DHX57: variants seen among roughly 807,000 people sequenced by gnomAD.
DHX57 encodes DExH-box helicase 57, also known as putative ATP-dependent RNA helicase DHX57.
Under a neutral mutation model 156.2 loss-of-function variants are expected in DHX57, and 105 were observed. The observed-to-expected ratio is 0.67, with a 90% CI of 0.57 to 0.79. DHX57 has a LOEUF of 0.79. Among genes scored for constraint, DHX57 ranks in the 30% least tolerant of loss-of-function variants. The pLI is 0.00. For synonymous variants in DHX57, 704 were observed against 595.6 expected (o/e 1.18, Z -2.65); for missense variants, 1,847 against 1,661.9 (o/e 1.11, Z -1.94).
chr2:38,828,486 G>T (rs1454795921), intron 13 of DHX57, 50 bp from the exon 14 acceptor site: 4 of 1,339,526 alleles, frequency 3.0e-6, no homozygotes, highest in Non-Finnish European at 4.1e-6. Flanking sequence ...GCACAGAAAA[G>T]AAACAAGAAA....
intron 12 of DHX57, among the ~76,000 whole-genome samples, chr2:38,838,975 A>G (rs1055381583): frequency 6.6e-6 from 1 of 151,960 alleles, no homozygotes; most frequent in Admixed American, 6.6e-5. Flanking sequence ...TCTGTCACCC[A>G]GGCTGGAGTG....
At chr2:38,811,813 T>C (rs1411357625) in intron 21 of DHX57, among the ~76,000 whole-genome samples, 1 of 152,218 alleles carries the variant, frequency 6.6e-6, no homozygotes, top group Non-Finnish European at 1.5e-5. Context: ...TATCTCCTTT[T>C]CCTTTTTGGT....
chr2:38,837,373 G>A (rs1023228014), intron 13 of DHX57, among the ~76,000 whole-genome samples: 5 of 151,958 alleles, frequency 3.3e-5, no homozygotes, highest in Non-Finnish European at 5.9e-5. Flanking sequence ...CACTTTGGGA[G>A]GCCGAGGCAG....
chr2:38,875,897 G>A lies in DHX57; in HGVS notation c.-117C>T, dbSNP rs1310063071. On this transcript the variant is annotated 5_prime_UTR_variant, in exon 1 of 24. Transcript: ENST00000457308. ...CGATTCTCACTTGGAGCAGCCCTGC[G>A]GTGGCCCAGCTGCAGCGGCACAGTC... 3 of 396,252 alleles carry A rather than the reference G, an allele frequency of 7.6e-6. No individual in the cohort carries two copies. The highest frequency in any genetic ancestry group is 2.1e-5 in the African/African-American group (1 of 48,566). 24.5% of individuals were successfully genotyped at this position (396,252 alleles called of 1,614,324 possible).
intron 12 of DHX57, among the ~76,000 whole-genome samples, chr2:38,840,529 T>G (rs971028183): frequency 2.6e-5 from 4 of 151,718 alleles, no homozygotes; most frequent in African/African-American, 9.7e-5. Flanking sequence ...TACAGGTGTG[T>G]GCCACCACAC....
intron 19 of DHX57, 52 bp downstream of exon 19, chr2:38,818,825 T>C: frequency 6.3e-7 from 1 of 1,589,646 alleles, no homozygotes; most frequent in East Asian, 2.2e-5. Flanking sequence ...CAGCACCCTC[T>C]GGTGAGCTAC....
intron 23 of DHX57, among the ~76,000 whole-genome samples, chr2:38,802,225 C>A (rs1669715826): frequency 2.0e-5 from 3 of 151,962 alleles, no homozygotes; most frequent in Admixed American, 2.0e-4. Flanking sequence ...CTTACTAGGG[C>A]TCCACTCCTG....
intron 9 of DHX57, 114 bp from the exon 10 acceptor site, chr2:38,848,516 C>T: frequency 9.6e-7 from 1 of 1,045,954 alleles, no homozygotes; most frequent in Non-Finnish European, 1.4e-6. Flanking sequence ...AAAAAAAAAA[C>T]CATTAACGTT....
intron 13 of DHX57, among the ~76,000 whole-genome samples, chr2:38,831,152 A>G (rs1031704986): frequency 8.6e-5 from 13 of 151,978 alleles, no homozygotes; most frequent in African/African-American, 3.1e-4. Flanking sequence ...ACATTAAACA[A>G]CGATGAAACA....
intron 22 of DHX57, 145 bp downstream of exon 22, chr2:38,806,414 T>C (rs1156905116): frequency 1.5e-5 from 13 of 861,224 alleles, no homozygotes; most frequent in Non-Finnish European, 2.2e-5. Context: ...CAATTTCCAG[T>C]CTGTTTATTC....
At chr2:38,801,872 C>T (rs1047576072) in intron 23 of DHX57, among the ~76,000 whole-genome samples, 2 of 152,132 alleles carry the variant, frequency 1.3e-5, no homozygotes, top group East Asian at 3.9e-4. Context: ...GCTGGGATTA[C>T]AGGCGTAAGC....
chr2:38,846,977 T>A (rs760570768), intron 11 of DHX57, 42 bp downstream of exon 11: 1 of 1,547,852 alleles, frequency 6.5e-7, no homozygotes, highest in Non-Finnish European at 8.9e-7. Flanking sequence ...TGAACCACCA[T>A]GCCAGGTCCT....
chr2:38,812,856 G>GTTTGTTTA (rs1243712086), intron 21 of DHX57, among the ~76,000 whole-genome samples: 2 of 151,032 alleles, frequency 1.3e-5, no homozygotes, highest in African/African-American at 2.4e-5. Context: ...TTGTTTGTTT[G>GTTTGTTTA]TTTGTTTTTG....
chr2:38,830,734 G>A (rs934005532), intron 13 of DHX57, among the ~76,000 whole-genome samples: 2 of 151,996 alleles, frequency 1.3e-5, no homozygotes, highest in African/African-American at 2.4e-5. Context: ...ACAAACCTAG[G>A]GTTTCTGGCA....
chr2:38,799,863 G>T (rs916380678), intron 23 of DHX57, among the ~76,000 whole-genome samples: 11 of 151,328 alleles, frequency 7.3e-5, no homozygotes, highest in Non-Finnish European at 1.5e-4. Context: ...AGATCAGCCT[G>T]TCCAAATGGT....
At chr2:38,862,081 G>C in intron 4 of DHX57, 64 bp downstream of exon 4, 1 of 1,501,956 alleles carries the variant, frequency 6.7e-7, no homozygotes, top group Non-Finnish European at 9.0e-7. Context: ...AGGGGTAGTG[G>C]GTTTATATGA....
chr2:38,819,329 C>T (rs1670700876), intron 17 of DHX57, among the ~76,000 whole-genome samples, 185 bp from the exon 18 acceptor site: 1 of 152,148 alleles, frequency 6.6e-6, no homozygotes, highest in African/African-American at 2.4e-5. Context: ...TGTGCCCCAT[C>T]AGGCCAGCTA....
At chr2:38,800,543 T>A (rs749866560) in intron 23 of DHX57, among the ~76,000 whole-genome samples, 1 of 152,098 alleles carries the variant, frequency 6.6e-6, no homozygotes, top group Admixed American at 6.6e-5. Flanking sequence ...CTAACACAGG[T>A]TCACACTGTG....
chr2:38,807,361 T>C (rs1454696333), intron 21 of DHX57, among the ~76,000 whole-genome samples: 1 of 151,640 alleles, frequency 6.6e-6, no homozygotes, highest in East Asian at 1.9e-4. Context: ...GACCAGTAAA[T>C]ATAACTTTTT....
Sources: allele counts gnomAD v4.1 joint callset (sites outside exome capture counted in the v4.1 genomes callset), GRCh38; gene constraint gnomAD v4.1.1; transcripts MANE v1.5; gene names NCBI Gene and HGNC (gene_info 2026-07-23, HGNC 2026-07-21).